Variants in TMEM108 observed in about 807,000 individuals in gnomAD.
TMEM108 encodes transmembrane protein 108, also known as cancer/testis antigen 124.
In TMEM108, 12 loss-of-function variants were observed where a neutral mutation model predicts 35.1. That is an observed-to-expected ratio of 0.34 (90% CI 0.22 to 0.55). TMEM108 has a LOEUF of 0.55. Ranked by LOEUF, TMEM108 falls within the 20% of genes least tolerant of loss-of-function variation. TMEM108 has a pLI of 0.89. For missense variants in TMEM108, 680 were observed against 753.3 expected, an observed-to-expected ratio of 0.90 and a Z score of 1.14; for synonymous variants, 287 against 308.6, an observed-to-expected ratio of 0.93 and a Z score of 0.73.
At chr3:133,097,314 T>C (rs17295112) in intron 2 of TMEM108, among the ~76,000 whole-genome samples, 37,800 of 152,152 alleles carry the variant, frequency 0.25, 4,914 homozygotes, top group Admixed American at 0.34. Flanking sequence ...AAGTAGATTT[T>C]TCATGGCTTA....
intron 2 of TMEM108, among the ~76,000 whole-genome samples, chr3:133,105,919 C>T (rs924820971): frequency 5.9e-5 from 9 of 152,090 alleles, no homozygotes; most frequent in Admixed American, 4.6e-4. Context: ...AGAGGTCTCC[C>T]GGTCTCTTAG....
chr3:133,360,422 T>G (rs2072311248), intron 3 of TMEM108, among the ~76,000 whole-genome samples: 2 of 152,136 alleles, frequency 1.3e-5, no homozygotes, highest in Non-Finnish European at 1.5e-5. Flanking sequence ...GTAAGGGATA[T>G]TCAATAATTT....
chr3:133,115,975 G>A (rs893906774), intron 2 of TMEM108, among the ~76,000 whole-genome samples: 3 of 152,132 alleles, frequency 2.0e-5, no homozygotes, highest in African/African-American at 7.2e-5. Context: ...TATTTTTAAA[G>A]CAATACATGT....
intron 2 of TMEM108, among the ~76,000 whole-genome samples, chr3:133,218,793 G>A (rs572262893): frequency 6.6e-6 from 1 of 152,102 alleles, no homozygotes; most frequent in East Asian, 1.9e-4. Flanking sequence ...GCATTTTGTT[G>A]AGGATTTTTG....
intron 3 of TMEM108, among the ~76,000 whole-genome samples, chr3:133,325,702 T>A (rs1009115435): frequency 6.7e-6 from 1 of 149,748 alleles, no homozygotes; most frequent in African/African-American, 2.4e-5. Context: ...CTAAAAAAAA[T>A]TTTTAAATAA....
chr3:133,144,814 T>C (rs1377417893), intron 2 of TMEM108, among the ~76,000 whole-genome samples: 1 of 152,174 alleles, frequency 6.6e-6, no homozygotes, highest in African/African-American at 2.4e-5. Context: ...GATGGGGTTG[T>C]TTGTTTTTTT....
At chr3:133,370,316 T>C (rs1442930794) in intron 3 of TMEM108, among the ~76,000 whole-genome samples, 2 of 152,212 alleles carry the variant, frequency 1.3e-5, no homozygotes, top group Non-Finnish European at 2.9e-5. Flanking sequence ...AGCTATTTTA[T>C]AGACTATCCC....
At chr3:133,184,977 C>T (rs1945398559) in intron 2 of TMEM108, among the ~76,000 whole-genome samples, 1 of 152,188 alleles carries the variant, frequency 6.6e-6, no homozygotes, top group South Asian at 2.1e-4. Flanking sequence ...CACATATATT[C>T]TGTAATAAAT....
At chr3:133,202,379 C>T (rs1945682878) in intron 2 of TMEM108, among the ~76,000 whole-genome samples, 1 of 152,144 alleles carries the variant, frequency 6.6e-6, no homozygotes, top group African/African-American at 2.4e-5. Flanking sequence ...ATGCCTATGT[C>T]CTGAATGGTA....
intron 2 of TMEM108, among the ~76,000 whole-genome samples, chr3:133,119,832 C>T (rs926047013): frequency 2.6e-5 from 4 of 152,200 alleles, no homozygotes; most frequent in African/African-American, 9.6e-5. Context: ...TGTTGTAAGG[C>T]ATTATTGTAA....
At chr3:133,190,792 T>C (rs1315445000) in intron 2 of TMEM108, among the ~76,000 whole-genome samples, 1 of 152,228 alleles carries the variant, frequency 6.6e-6, no homozygotes, top group Non-Finnish European at 1.5e-5. Flanking sequence ...CTGTGCTAGC[T>C]GCTTGAAGTA....
chr3:133,380,966 T>C lies in TMEM108; in HGVS notation c.1255T>C (p.Ser419Pro), dbSNP rs766756057. ...TMTDRVPSPL[S>P]TVVSTATGNF... ...GACCGACCGGGTGCCCAGTCCTCTC[T>C]CCACAGTGGTATCCACAGCCACAGG... Residue 419 changes from serine to proline, a missense_variant, in exon 4 of 6, where the codon TCC (serine) becomes CCC (proline). This residue lies in a region of TMEM108 where 526 missense variants were observed against 532.1 expected (regional missense o/e 0.99). Transcript: ENST00000321871. The surrounding 1 kb of genome is among the most constrained non-coding windows in gnomAD (Gnocchi z 5.3). 6.2e-7 allele frequency: 1 copy of C among 1,613,984 alleles called. No homozygotes were observed. The highest frequency in any genetic ancestry group is 1.3e-5 in the African/African-American group (1 of 74,878).
At chr3:133,229,451 G>A (rs773945359) in intron 3 of TMEM108, 100 bp downstream of exon 3, 22 of 1,053,634 alleles carry the variant, frequency 2.1e-5, no homozygotes, top group South Asian at 4.5e-5. Context: ...GGGTTGGATC[G>A]GTGAAAGAGG....
At chr3:133,147,353 G>A (rs186257804) in intron 2 of TMEM108, among the ~76,000 whole-genome samples, 286 of 151,846 alleles carry the variant, frequency 1.9e-3, no homozygotes, top group African/African-American at 6.2e-3. Context: ...GTTATTTTGC[G>A]TTTGCTTATG....
chr3:133,328,174 C>G (rs1351366138), intron 3 of TMEM108, among the ~76,000 whole-genome samples: 1 of 152,174 alleles, frequency 6.6e-6, no homozygotes, highest in Admixed American at 6.5e-5. Flanking sequence ...ATAGGAGACT[C>G]TTCTGTTCAT....
In TMEM108 at chr3:133,396,024, T is replaced by A; in HGVS notation, c.*38T>A. ...TCACTTTGCCATTCCGTATTTTTCG[T>A]CTCTAAATTATAAATATACAAATAC... On this transcript the variant is annotated 3_prime_UTR_variant, in exon 6 of 6. Coordinates refer to ENST00000321871, the MANE Select transcript of TMEM108 (RefSeq NM_023943.4). 4 of 1,471,224 alleles carry A rather than the reference T, an allele frequency of 2.7e-6. No homozygotes were observed. The highest frequency in any genetic ancestry group is 3.6e-6 in the Non-Finnish European group (4 of 1,107,430). The allele number at this position is 1,471,224 out of a possible 1,614,324, so 91.1% of individuals were successfully genotyped here. A position where few individuals can be genotyped will look rare whatever the true frequency, so the allele number is the denominator to read the frequency against.
intron 2 of TMEM108, among the ~76,000 whole-genome samples, chr3:133,051,139 A>G (rs1324411286): frequency 6.6e-6 from 1 of 152,134 alleles, no homozygotes; most frequent in Admixed American, 6.6e-5. Context: ...GCAATGAATG[A>G]GAGTTCTTGT....
At chr3:133,126,214 C>G (rs1006827911) in intron 2 of TMEM108, among the ~76,000 whole-genome samples, 2 of 152,020 alleles carry the variant, frequency 1.3e-5, no homozygotes, top group African/African-American at 4.8e-5. Flanking sequence ...CGCCTGTAAT[C>G]CCAGCACTTT....
chr3:133,085,179 A>G (rs1305250744), intron 2 of TMEM108, among the ~76,000 whole-genome samples: 1 of 152,212 alleles, frequency 6.6e-6, no homozygotes, highest in Non-Finnish European at 1.5e-5. Flanking sequence ...CAGCCTGTTC[A>G]AAGCATAGTC....
Sources: gnomAD v4.1 joint callset for allele counts (sites outside exome capture counted in the v4.1 genomes callset) on GRCh38, gnomAD v4.1.1 for gene constraint, gnomAD v4.1.1 regional missense constraint, Gnocchi (gnomAD v3.1) non-coding constraint, MANE v1.5 for transcripts, NCBI Gene and HGNC (gene_info 2026-07-23, HGNC 2026-07-21) for gene names.